The following FSTL4 variants were observed in gnomAD, a reference collection of about 807,000 sequenced individuals.
FSTL4 encodes the protein follistatin-related protein 4.
FSTL4 carries 28 observed loss-of-function variants against 78.2 expected under a neutral mutation model. The ratio of observed to expected loss-of-function variants is 0.36; its 90% CI spans 0.27 to 0.49. FSTL4 has a LOEUF of 0.49. Among genes scored for constraint, FSTL4 ranks in the 20% least tolerant of loss-of-function variants. The probability of loss-of-function intolerance (pLI) is 0.98; values close to 1 mark genes in which losing one functional copy is unlikely to be tolerated. For missense variants in FSTL4, 922 were observed against 1,084.9 expected, an observed-to-expected ratio of 0.85 and a Z score of 2.11; for synonymous variants, 422 against 440.5, an observed-to-expected ratio of 0.96 and a Z score of 0.53.
intron 3 of FSTL4, among the ~76,000 whole-genome samples, chr5:133,506,544 A>G (rs1311603402): frequency 6.6e-6 from 1 of 152,176 alleles, no homozygotes; most frequent in African/African-American, 2.4e-5. Context: ...ACGAATAAAA[A>G]TTCTGGGTTT....
chr5:133,701,970 G>A, the FSTL4 span, among the ~76,000 whole-genome samples: 1 of 152,100 alleles, frequency 6.6e-6, no homozygotes, highest in Non-Finnish European at 1.5e-5. Context: ...GAAATCCTCA[G>A]TAAACTCTAC....
the FSTL4 span, among the ~76,000 whole-genome samples, chr5:133,811,605 C>G: frequency 6.6e-6 from 1 of 152,222 alleles, no homozygotes; most frequent in Non-Finnish European, 1.5e-5. Flanking sequence ...TGACACCACA[C>G]AGGGCTAAGG....
At chr5:133,250,654 G>A (rs978449994) in intron 6 of FSTL4, among the ~76,000 whole-genome samples, 4 of 152,248 alleles carry the variant, frequency 2.6e-5, no homozygotes, top group East Asian at 3.8e-4. Context: ...CAGCAGCCCC[G>A]CAGGCAGCAC....
At position 133,250,716 on chromosome 5, in the gene FSTL4, C is replaced by T. The variant is rs369212163; in HGVS notation, c.728-1140G>A. On this transcript the variant is annotated intron_variant, in intron 6 of 15. Coordinates refer to ENST00000265342, the MANE Select transcript of FSTL4 (RefSeq NM_015082.2). Reference sequence around the variant, plus strand: ...GTGTGTGGGAGAGGGGAAGAGGGAGCGAAAACAGCCGCAGGTGCAAGGCAC... The same window carrying T: ...GTGTGTGGGAGAGGGGAAGAGGGAGTGAAAACAGCCGCAGGTGCAAGGCAC... Among the ~76,000 whole-genome samples the T allele has an allele frequency of 2.0e-5, 3 of 152,170 alleles. No homozygotes were observed. In the East Asian group the frequency reaches 5.8e-4, roughly 29 times the overall value.
the FSTL4 span, among the ~76,000 whole-genome samples, chr5:133,661,911 C>T: frequency 1.3e-5 from 2 of 152,178 alleles, no homozygotes; most frequent in African/African-American, 4.8e-5. Flanking sequence ...TATTTAGTCA[C>T]TCATCGTGTA....
At chr5:133,642,754 G>T in the FSTL4 span, among the ~76,000 whole-genome samples, 1 of 152,188 alleles carries the variant, frequency 6.6e-6, no homozygotes, top group Non-Finnish European at 1.5e-5. Flanking sequence ...TTATGCTCTT[G>T]TTAGCTTAGA....
chr5:133,658,972 T>C, the FSTL4 span, among the ~76,000 whole-genome samples: 32 of 152,264 alleles, frequency 2.1e-4, no homozygotes, highest in East Asian at 6.2e-3. Context: ...TCAAGAACAT[T>C]GCATGCATGA....
intron 12 of FSTL4, among the ~76,000 whole-genome samples, chr5:133,218,610 C>T (rs1396674228): frequency 6.6e-6 from 1 of 152,216 alleles, no homozygotes; most frequent in Non-Finnish European, 1.5e-5. Flanking sequence ...CAGCACTCCT[C>T]AATCACGCCG....
At chr5:133,278,897 G>A (rs544896205) in intron 6 of FSTL4, among the ~76,000 whole-genome samples, 2 of 152,336 alleles carry the variant, frequency 1.3e-5, no homozygotes, top group East Asian at 3.9e-4. Flanking sequence ...CAGATGGCAA[G>A]GTAGCCTCAG....
Position 133,426,548 on chromosome 5 carries a change from A to G in FSTL4, c.161-25562T>C, listed in dbSNP as rs1756821633. 6.6e-6 allele frequency among the ~76,000 whole-genome samples: 1 copy of G among 152,196 alleles called. No individual in the cohort carries two copies. The highest frequency in any genetic ancestry group is 2.4e-5 in the African/African-American group (1 of 41,448). ...GGAGCTCTCATGGCCAATTAGCAGCAGAGGAAACTGAACTGTACCGTGGGT... is the reference window on the plus strand; with the variant it reads ...GGAGCTCTCATGGCCAATTAGCAGCGGAGGAAACTGAACTGTACCGTGGGT... On this transcript the variant is annotated intron_variant, in intron 3 of 15. Coordinates refer to ENST00000265342, the MANE Select transcript of FSTL4 (RefSeq NM_015082.2). The surrounding 1 kb of genome is among the most constrained non-coding windows in gnomAD (Gnocchi z 5.0).
chr5:133,201,930 C>T lies in FSTL4; in HGVS notation c.1826+3G>A. 6.4e-7 allele frequency: 1 copy of T among 1,570,238 alleles called. No homozygotes were observed. Among genetic ancestry groups the T allele is most frequent in the East Asian group, 2.2e-5 (1 of 44,692 alleles). On this transcript the variant is annotated splice_donor_region_variant and intron_variant, in intron 15 of 15. Transcript: ENST00000265342. ...CCTTAGAGGCATCATGGGCCAGTCT[C>T]ACCTGATGTGGTTGATGATGAGGTT... is the stretch of plus-strand genomic sequence containing the variant.
At chr5:133,353,779 C>A (rs1468407851) in intron 4 of FSTL4, among the ~76,000 whole-genome samples, 6 of 152,234 alleles carry the variant, frequency 3.9e-5, no homozygotes, top group African/African-American at 7.2e-5. Context: ...AGGAAGGAGG[C>A]ATGCTGCCTG....
At chr5:133,605,529 C>T (rs1384639627) in intron 1 of FSTL4, among the ~76,000 whole-genome samples, 2 of 152,188 alleles carry the variant, frequency 1.3e-5, no homozygotes, top group South Asian at 2.1e-4. Flanking sequence ...CAAACAATTA[C>T]ACTCCTGCCA....
At chr5:133,655,918 C>T in the FSTL4 span, among the ~76,000 whole-genome samples, 1 of 152,130 alleles carries the variant, frequency 6.6e-6, no homozygotes, top group Non-Finnish European at 1.5e-5. Flanking sequence ...GATGAGAAAA[C>T]CGAGCATAAA....
chr5:133,835,597 C>T, the FSTL4 span, among the ~76,000 whole-genome samples: 355 of 152,264 alleles, frequency 2.3e-3, 3 homozygotes, highest in African/African-American at 7.8e-3. Context: ...CTTATATATA[C>T]TACAGAAATC....
Position 133,284,780 on chromosome 5 carries a change from G to A in FSTL4, c.727+27874C>T, listed in dbSNP as rs867159394. ...CTGTCTCAAGTTGGAGAGGATGCTCGGTGTCAGATGCTGGAGGATATCTGA... is the reference window on the plus strand; with the variant it reads ...CTGTCTCAAGTTGGAGAGGATGCTCAGTGTCAGATGCTGGAGGATATCTGA... On this transcript the variant is annotated intron_variant, in intron 6 of 15. Coordinates refer to ENST00000265342, the MANE Select transcript of FSTL4 (RefSeq NM_015082.2). 5.9e-5 allele frequency among the ~76,000 whole-genome samples: 9 copies of A among 152,326 alleles called. 1 individual carries two copies. The highest frequency in any genetic ancestry group is 9.6e-5 in the African/African-American group (4 of 41,572).
chr5:133,400,414 C>A (rs1322986297), intron 4 of FSTL4, among the ~76,000 whole-genome samples: 1 of 152,174 alleles, frequency 6.6e-6, no homozygotes, highest in Non-Finnish European at 1.5e-5. Context: ...CTTGTCACAA[C>A]CTTGCAAAGG....
At chr5:133,633,106 T>A in the FSTL4 span, among the ~76,000 whole-genome samples, 1 of 152,202 alleles carries the variant, frequency 6.6e-6, no homozygotes, top group Non-Finnish European at 1.5e-5. Flanking sequence ...TTTTCAGAAA[T>A]TTTAGAAATT....
the FSTL4 span, among the ~76,000 whole-genome samples, chr5:133,624,492 C>T: frequency 1.9e-3 from 291 of 151,766 alleles, 1 homozygote; most frequent in Middle Eastern, 0.01. Context: ...GTAATGAAAA[C>T]GTTTTGAAAC....
Sources: gnomAD v4.1 joint callset for allele counts (sites outside exome capture counted in the v4.1 genomes callset) on GRCh38, gnomAD v4.1.1 for gene constraint, Gnocchi (gnomAD v3.1) non-coding constraint, MANE v1.5 for transcripts, NCBI Gene and HGNC (gene_info 2026-07-23, HGNC 2026-07-21) for gene names.